Variants in TK1 observed in about 807,000 individuals in gnomAD.
TK1 encodes the protein thymidine kinase 1.
In TK1, 13 loss-of-function variants were observed where a neutral mutation model predicts 22.4. The observed-to-expected ratio is 0.58, with a 90% CI of 0.38 to 0.92. TK1 has a LOEUF of 0.92. TK1 is among the 40% of genes least tolerant of loss of function. TK1 has a pLI of 0.00. For missense variants in TK1, 251 were observed against 315.7 expected (o/e 0.80, Z 1.55); for synonymous variants, 134 against 125.4 (o/e 1.07, Z -0.46).
chr17:78,174,093 A>G lies in TK1; in HGVS notation c.*666T>C, dbSNP rs1375619357. ...AGAAATGTGCGTCCACCAACCAGTG[A>G]ATTTTCAATTAGTTAATTTCATAAG... On this transcript the variant is annotated 3_prime_UTR_variant, in exon 7 of 7. Coordinates refer to ENST00000301634, the MANE Select transcript of TK1 (RefSeq NM_003258.5). 1 of 152,256 alleles carries G rather than the reference A, an allele frequency of 6.6e-6. No individual in the cohort carries two copies. The highest frequency in any genetic ancestry group is 1.5e-5 in the Non-Finnish European group (1 of 68,068). The allele number at this position is 152,256 out of a possible 1,614,324, so 9.4% of individuals were successfully genotyped here.
chr17:78,182,528 G>C, intron 4 of TK1, 61 bp downstream of exon 4: 1 of 1,345,184 alleles, frequency 7.4e-7, no homozygotes, highest in Admixed American at 2.5e-5. Context: ...GTCAGCGAGG[G>C]AAAACGGGAG....
In TK1 at chr17:78,182,676, G is replaced by C; in HGVS notation, c.216C>G (p.Thr72=). ...SSSFCTHDRN[T]MEALPACLLR... ...GCAGGCAGGCGGGCAGTGCCTCCATGGTGTTCCTGGGAAGAGAAAGCCAGA... is the reference window on the plus strand; with the variant it reads ...GCAGGCAGGCGGGCAGTGCCTCCATCGTGTTCCTGGGAAGAGAAAGCCAGA... Residue 72 remains threonine, a synonymous_variant, in exon 4 of 7, where the codon ACC becomes ACG. Coordinates refer to ENST00000301634, the MANE Select transcript of TK1 (RefSeq NM_003258.5). The C allele has an allele frequency of 1.3e-6, 2 of 1,575,292 alleles. No individual in the cohort carries two copies. The highest frequency in any genetic ancestry group is 1.7e-6 in the Non-Finnish European group (2 of 1,164,690).
At chr17:78,187,088 T>C, upstream of TK1, 17 of 1,370,096 alleles carry the variant, frequency 1.2e-5, no homozygotes, top group Non-Finnish European at 1.7e-5. Flanking sequence ...AACCACGGCG[T>C]GCTGGCCAAT....
Position 78,174,897 on chromosome 17 carries a change from G to A in TK1, c.567C>T (p.Tyr189=), listed in dbSNP as rs1197715035. 1 of 1,613,846 alleles carries A rather than the reference G, an allele frequency of 6.2e-7. No individual in the cohort carries two copies. Among genetic ancestry groups the A allele is most frequent in the Non-Finnish European group, 8.5e-7 (1 of 1,179,892 alleles). ...CAGGCTGGCCTGAGGCCTTCTTGAAGTAGCAGAGCCGACACACGGAGTGGT... is the reference window on the plus strand; with the variant it reads ...CAGGCTGGCCTGAGGCCTTCTTGAAATAGCAGAGCCGACACACGGAGTGGT... The part of the protein sequence containing the change: ...DKYHSVCRLC[Y]FKKASGQPAG... The change falls in exon 7 of 7, where the codon TAC becomes TAT. Residue 189 remains tyrosine (Y), a synonymous_variant. Transcript: ENST00000301634.
intron 4 of TK1, among the ~76,000 whole-genome samples, chr17:78,180,471 C>G (rs2075730759): frequency 6.6e-6 from 1 of 152,184 alleles, no homozygotes; most frequent in Non-Finnish European, 1.5e-5. Flanking sequence ...AAAATAAAAT[C>G]TCCAAAGCAG....
In TK1 at chr17:78,182,660, C is replaced by A. The variant is rs754618626; in HGVS notation, c.232G>T (p.Ala78Ser). The A allele has an allele frequency of 1.9e-6, 3 of 1,590,710 alleles. No homozygotes were observed. Among genetic ancestry groups the A allele is most frequent in the African/African-American group, 1.3e-5 (1 of 74,544 alleles). ...HDRNTMEALP[A>S]CLLRDVAQEA... is the part of the protein sequence containing the mutation. The stretch of plus-strand genomic sequence containing the variant: ...TGGGCCACGTCTCGGAGCAGGCAGG[C>A]GGGCAGTGCCTCCATGGTGTTCCTG... The change falls in exon 4 of 7, where the codon GCC becomes TCC. Residue 78 changes from alanine to serine, a missense_variant. Transcript: ENST00000301634.
chr17:78,183,069 A>G (rs1394031338), intron 3 of TK1, among the ~76,000 whole-genome samples: 2 of 152,176 alleles, frequency 1.3e-5, no homozygotes, highest in Non-Finnish European at 2.9e-5. Context: ...GGGTTTCACC[A>G]TGTTGGCCAG....
chr17:78,180,668 C>T (rs1387808626), intron 4 of TK1, among the ~76,000 whole-genome samples: 2 of 152,166 alleles, frequency 1.3e-5, no homozygotes, highest in Admixed American at 6.5e-5. Flanking sequence ...TGAATTAGAG[C>T]AGCAGATGTA....
At chr17:78,175,001 G>A in intron 6 of TK1, 49 bp downstream of exon 6, 1 of 1,610,332 alleles carries the variant, frequency 6.2e-7, no homozygotes, top group South Asian at 1.1e-5. Flanking sequence ...GAAGGAGGCA[G>A]AGCCATACCC....
chr17:78,184,321 AG>A (rs1426401446), intron 3 of TK1, among the ~76,000 whole-genome samples: 1 of 152,242 alleles, frequency 6.6e-6, no homozygotes, highest in Non-Finnish European at 1.5e-5. Flanking sequence ...GCTCCCAGCC[AG>A]GGCTCTGAGG....
At chr17:78,177,899 C>T (rs912020779) in intron 4 of TK1, among the ~76,000 whole-genome samples, 3 of 151,982 alleles carry the variant, frequency 2.0e-5, no homozygotes, top group African/African-American at 7.3e-5. Context: ...GAGACAGAGT[C>T]TCGCTCTGTC....
At chr17:78,179,918 A>G (rs1475208922) in intron 4 of TK1, among the ~76,000 whole-genome samples, 1 of 152,124 alleles carries the variant, frequency 6.6e-6, no homozygotes, top group African/African-American at 2.4e-5. Flanking sequence ...AAAAATACAA[A>G]AGGTTAGCTG....
chr17:78,184,830 T>C (rs1418402338), intron 3 of TK1, among the ~76,000 whole-genome samples: 1 of 152,042 alleles, frequency 6.6e-6, no homozygotes, highest in African/African-American at 2.4e-5. Context: ...TCTTCAAACA[T>C]TGTCAAATGG....
intron 4 of TK1, chr17:78,179,360 C>T (rs554732553): frequency 1.0e-6 from 1 of 985,302 alleles, no homozygotes; most frequent in Non-Finnish European, 1.2e-6. Flanking sequence ...AAGCACGGGG[C>T]AGCAACAACG....
chr17:78,175,748 A>G (rs1198626706), intron 4 of TK1, 130 bp from the exon 5 acceptor site: 15 of 742,742 alleles, frequency 2.0e-5, no homozygotes, highest in Admixed American at 8.3e-5. Flanking sequence ...TAATTCTCCC[A>G]CGAGGCTCCC....
chr17:78,174,712 A>G lies in TK1; in HGVS notation c.*47T>C. 2 of 1,527,208 alleles carry G rather than the reference A, an allele frequency of 1.3e-6. No individual in the cohort carries two copies. The highest frequency in any genetic ancestry group is 1.8e-6 in the Non-Finnish European group (2 of 1,136,936). The allele number at this position is 1,527,208 out of a possible 1,614,324, so 94.6% of individuals were successfully genotyped here. On this transcript the variant is annotated 3_prime_UTR_variant, in exon 7 of 7. Coordinates refer to ENST00000301634, the MANE Select transcript of TK1 (RefSeq NM_003258.5). The stretch of plus-strand genomic sequence containing the variant: ...CTGGGCAGCATGCAGGGCAGCGTCC[A>G]GTAGGCGGCAGTGGCAGGAAGGGAG...
At chr17:78,182,785 C>G (rs2075747284) in intron 3 of TK1, 103 bp from the exon 4 acceptor site, 1 of 803,210 alleles carries the variant, frequency 1.2e-6, no homozygotes, top group Non-Finnish European at 1.8e-6. Flanking sequence ...ACCTGCAAAG[C>G]AGGCTCAGTG....
At chr17:78,176,464 C>T (rs909256883) in intron 4 of TK1, among the ~76,000 whole-genome samples, 1 of 152,056 alleles carries the variant, frequency 6.6e-6, no homozygotes, top group African/African-American at 2.4e-5. Flanking sequence ...GTTATTGAGA[C>T]GTGAGGGCTT....
At chr17:78,175,727 G>T in intron 4 of TK1, 109 bp from the exon 5 acceptor site, 1 of 958,782 alleles carries the variant, frequency 1.0e-6, no homozygotes, top group Non-Finnish European at 1.6e-6. Flanking sequence ...CATTTGGCCC[G>T]GAGTAACTCT....
Sources: allele counts gnomAD v4.1 joint callset (sites outside exome capture counted in the v4.1 genomes callset), GRCh38; gene constraint gnomAD v4.1.1; transcripts MANE v1.5; gene names NCBI Gene and HGNC (gene_info 2026-07-23, HGNC 2026-07-21).